Variants in ATAD2 observed in about 807,000 individuals in gnomAD.
The protein encoded by ATAD2 is ATPase family AAA domain-containing protein 2.
In ATAD2, 62 loss-of-function variants were observed where a neutral mutation model predicts 168.9. The observed-to-expected ratio is 0.37, with a 90% confidence interval of 0.30 to 0.45. ATAD2 has a LOEUF of 0.45. ATAD2 is among the 20% of genes least tolerant of loss of function. The probability of loss-of-function intolerance (pLI) is 1.00; values close to 1 mark genes in which losing one functional copy is unlikely to be tolerated. For missense variants in ATAD2, 1,419 were observed against 1,667.8 expected, an observed-to-expected ratio of 0.85 and a Z score of 2.60; for synonymous variants, 613 against 571.6, an observed-to-expected ratio of 1.07 and a Z score of -1.03.
chr8:123,376,339 G>A (rs556871900), intron 2 of ATAD2, among the ~76,000 whole-genome samples: 1 of 151,600 alleles, frequency 6.6e-6, no homozygotes, highest in South Asian at 2.1e-4. Context: ...CTGGGAGGCA[G>A]AGGTTGCAGT....
At chr8:123,323,763 A>T (rs1276160870) in intron 26 of ATAD2, among the ~76,000 whole-genome samples, 1 of 152,176 alleles carries the variant, frequency 6.6e-6, no homozygotes, top group Non-Finnish European at 1.5e-5. Context: ...CTCCAACTAC[A>T]TCCTTTATAC....
rs775270392 is a variant in ATAD2, at chr8:123,371,775, T to C, written c.431A>G (p.His144Arg). 7.4e-6 allele frequency: 12 copies of C among 1,613,090 alleles called. No homozygotes were observed. The highest frequency in any genetic ancestry group is 3.3e-4 in the Middle Eastern group (2 of 6,056). The change falls in exon 4 of 28, where the codon CAC becomes CGC. Residue 144 changes from histidine (H) to arginine (R), a missense_variant. Coordinates refer to ENST00000287394, the MANE Select transcript of ATAD2 (RefSeq NM_014109.4). ...AACATCACCATTATCTTCATGTAAG[T>C]GTTCTGTACTTTGAACGATGTTTCT... ...RARNIVQSTE[H>R]LHEDNGDVEV...
intron 1 of ATAD2, chr8:123,381,021 C>T (rs1829479850): frequency 5.4e-6 from 1 of 184,280 alleles, no homozygotes; most frequent in Non-Finnish European, 1.1e-5. Flanking sequence ...TATTTTAAGG[C>T]TATAGAAGTT....
intron 1 of ATAD2, among the ~76,000 whole-genome samples, chr8:123,384,155 G>C (rs1301694687): frequency 6.6e-6 from 1 of 151,766 alleles, no homozygotes; most frequent in East Asian, 1.9e-4. Context: ...CTTATTAGGT[G>C]GTTTTCAATT....
chr8:123,370,097 G>C (rs188411943), intron 6 of ATAD2, 73 bp from the exon 7 acceptor site: 9 of 1,380,644 alleles, frequency 6.5e-6, no homozygotes, highest in Middle Eastern at 1.8e-4. Flanking sequence ...TAGGTGAGTT[G>C]GGAGAGAAAG....
intron 2 of ATAD2, among the ~76,000 whole-genome samples, chr8:123,378,867 C>T (rs180736780): frequency 6.6e-6 from 1 of 151,554 alleles, no homozygotes; most frequent in African/African-American, 2.4e-5. Flanking sequence ...TTATAGCTCA[C>T]TGCAGCCTTG....
At chr8:123,324,428 A>AT (rs1827551776) in intron 26 of ATAD2, among the ~76,000 whole-genome samples, 1 of 152,194 alleles carries the variant, frequency 6.6e-6, no homozygotes, top group South Asian at 2.1e-4. Flanking sequence ...AAATGTTTTT[A>AT]TTTTTGAAGG....
chr8:123,364,808 C>T (rs1424754593), intron 8 of ATAD2, among the ~76,000 whole-genome samples: 2 of 152,166 alleles, frequency 1.3e-5, no homozygotes, highest in African/African-American at 4.8e-5. Context: ...GACAAATCCA[C>T]AGCCAACGTA....
chr8:123,395,879 T>G (rs1404631430), intron 1 of ATAD2, among the ~76,000 whole-genome samples: 5 of 148,872 alleles, frequency 3.4e-5, no homozygotes, highest in South Asian at 2.2e-4. Flanking sequence ...GAGTGGGGGG[T>G]CGTGCGGGCG....
chr8:123,401,576 AGT>A, intron 1 of ATAD2: 1 of 1,418,620 alleles, frequency 7.0e-7, no homozygotes, highest in South Asian at 1.2e-5. Context: ...TCACCCAGGA[AGT>A]GATGGCATGT....
chr8:123,410,770 A>G (rs1813142898), intron 1 of ATAD2, among the ~76,000 whole-genome samples: 1 of 151,424 alleles, frequency 6.6e-6, no homozygotes, highest in African/African-American at 2.4e-5. Flanking sequence ...GCCGTCCACC[A>G]CTGCTGTTTG....
chr8:123,325,352 G>A (rs988136674), intron 26 of ATAD2, among the ~76,000 whole-genome samples: 32 of 151,194 alleles, frequency 2.1e-4, no homozygotes, highest in Non-Finnish European at 3.5e-4. Flanking sequence ...GCACAACCTC[G>A]GCTCACTGCA....
intron 1 of ATAD2, among the ~76,000 whole-genome samples, chr8:123,394,298 G>A (rs1812726446): frequency 6.6e-6 from 1 of 152,132 alleles, no homozygotes; most frequent in South Asian, 2.1e-4. Context: ...AACCTGAGAA[G>A]CTGAAACTGA....
rs1828649566 is a variant in ATAD2 at position 123,356,489 on chromosome 8, G to A, written c.1558-12C>T. Reference sequence around the variant, plus strand: ...CGCATCTGATAGGCCTAGAAAGTAGGTGGAGTGGTCATTTGTTAGCATAAA... The same window carrying A: ...CGCATCTGATAGGCCTAGAAAGTAGATGGAGTGGTCATTTGTTAGCATAAA... On this transcript the variant is annotated splice_polypyrimidine_tract_variant and intron_variant, in intron 12 of 27. Transcript: ENST00000287394. 1 of 1,600,646 alleles carries A rather than the reference G, an allele frequency of 6.2e-7. No individual in the cohort carries two copies. The highest frequency in any genetic ancestry group is 1.3e-5 in the African/African-American group (1 of 74,500).
At chr8:123,336,317 T>TGAA in intron 22 of ATAD2, 56 bp downstream of exon 22, 1 of 1,470,218 alleles carries the variant, frequency 6.8e-7, no homozygotes, top group South Asian at 1.3e-5. Flanking sequence ...AAATCAACCC[T>TGAA]AAGTGTTAGC....
chr8:123,395,315 G>A (rs941030355), intron 1 of ATAD2, among the ~76,000 whole-genome samples: 1 of 152,120 alleles, frequency 6.6e-6, no homozygotes, highest in Non-Finnish European at 1.5e-5. Flanking sequence ...GCTGGGGTGG[G>A]GAGGTGGATG....
chr8:123,326,096 T>G, intron 25 of ATAD2, 70 bp from the exon 26 acceptor site: 1 of 1,495,888 alleles, frequency 6.7e-7, no homozygotes, highest in Non-Finnish European at 9.1e-7. Context: ...AATAATAATA[T>G]TAGGCAGATT....
chr8:123,373,770 CAG>C (rs1389278032), intron 2 of ATAD2, among the ~76,000 whole-genome samples: 3 of 116,520 alleles, frequency 2.6e-5, no homozygotes, highest in African/African-American at 6.8e-5. Flanking sequence ...GCCTGGGCAA[CAG>C]AGTGACACCT....
chr8:123,410,034 C>T (rs1480275629), intron 1 of ATAD2, among the ~76,000 whole-genome samples: 1 of 151,076 alleles, frequency 6.6e-6, no homozygotes, highest in Non-Finnish European at 1.5e-5. Flanking sequence ...ATACTGTGTG[C>T]TGTGGATTCC....
Sources: allele counts gnomAD v4.1 joint callset (sites outside exome capture counted in the v4.1 genomes callset), GRCh38; gene constraint gnomAD v4.1.1; transcripts MANE v1.5; gene names NCBI Gene and HGNC (gene_info 2026-07-23, HGNC 2026-07-21).